EIF2D: variants seen among roughly 807,000 people sequenced by gnomAD.
The protein encoded by EIF2D is eukaryotic translation initiation factor 2D, also known as hepatocellular carcinoma-associated antigen 56.
In EIF2D, 56 loss-of-function variants were observed where a neutral mutation model predicts 77.4. The ratio of observed to expected loss-of-function variants is 0.72; its 90% CI spans 0.58 to 0.90. The LOEUF (loss-of-function observed/expected upper bound fraction) is 0.90. Among genes scored for constraint, EIF2D ranks in the 40% least tolerant of loss-of-function variants. EIF2D has a pLI of 0.00. For synonymous variants in EIF2D, 230 were observed against 271.0 expected (o/e 0.85, Z 1.49); for missense variants, 574 against 706.5 (o/e 0.81, Z 2.13).
At chr1:206,598,595 C>T (rs1669762526) in intron 11 of EIF2D, among the ~76,000 whole-genome samples, 1 of 151,884 alleles carries the variant, frequency 6.6e-6, no homozygotes, top group Non-Finnish European at 1.5e-5. Context: ...CCCCAAATAC[C>T]CTGCCTTGAT....
intron 4 of EIF2D, among the ~76,000 whole-genome samples, chr1:206,575,219 G>A (rs1328818036): frequency 3.9e-5 from 6 of 152,138 alleles, no homozygotes; most frequent in Admixed American, 3.9e-4. Flanking sequence ...AGCACCGGGT[G>A]TTTGGGGTGT....
chr1:206,600,132 T>C (rs1423726027), intron 8 of EIF2D, 131 bp downstream of exon 8: 3 of 928,434 alleles, frequency 3.2e-6, no homozygotes, highest in African/African-American at 1.7e-5. Context: ...TTCCCCCTTA[T>C]ACTTGGAGTC....
chr1:206,587,434 G>C (rs991971394), downstream of EIF2D: 38 of 240,252 alleles, frequency 1.6e-4, no homozygotes, highest in Non-Finnish European at 3.1e-4. Flanking sequence ...CATTCCTTTT[G>C]CAGGTCTGAG....
chr1:206,597,926 C>T (rs1669731130), intron 11 of EIF2D, among the ~76,000 whole-genome samples: 1 of 151,962 alleles, frequency 6.6e-6, no homozygotes, highest in Admixed American at 6.5e-5. Context: ...GCCTGGGCAA[C>T]AAGAGCAAAA....
rs1669837385 is a variant in EIF2D at position 206,599,913 on chromosome 1, G to A, written c.949-77C>T. On this transcript the variant is annotated intron_variant, in intron 8 of 14. Transcript: ENST00000271764. This position sits in a 1 kb window ranked among gnomAD's most constrained non-coding sequence, Gnocchi z 4.1. ...CTGAGCACCCAGGATGTGCCAGAGT[G>A]AGCTAGGCAGGGACTGTGCAGGGAT... is the stretch of plus-strand genomic sequence containing the variant. The A allele has an allele frequency of 3.6e-6, 5 of 1,396,400 alleles. No homozygotes were observed. The highest frequency in any genetic ancestry group is 1.7e-5 in the Admixed American group (1 of 57,240). The allele number at this position is 1,396,400 out of a possible 1,614,324, so 86.5% of individuals were successfully genotyped here.
rs1350237249 is a variant in EIF2D, at chr1:206,593,488, C to CGAGCGAGA, written c.1684+130_1684+131insTCTCGCTC. 1.7e-3 allele frequency: 535 copies of CGAGCGAGA among 307,316 alleles called. 1 individual carries two copies. The African/African-American group carries it at 0.018, about 10-fold the overall frequency. 19.0% of individuals were successfully genotyped at this position (307,316 alleles called of 1,614,324 possible). On this transcript the variant is annotated intron_variant, in intron 14 of 14. Coordinates refer to ENST00000271764, the MANE Select transcript of EIF2D (RefSeq NM_006893.3). ...AATGGAGAGAGAGAGAGAGAGAGAG[C>CGAGCGAGA]GAGAGAGAGAGAGAGAGAGAGTGTG... is the stretch of plus-strand genomic sequence containing the variant.
At chr1:206,587,178 CA>C (rs1669152499), downstream of EIF2D, 1 of 591,182 alleles carries the variant, frequency 1.7e-6, no homozygotes, top group Non-Finnish European at 3.0e-6. Context: ...GGCTGTGCCC[CA>C]CCACAGATTC....
chr1:206,592,646 C>T lies in EIF2D; in HGVS notation c.1685-801G>A, dbSNP rs1467606577. On this transcript the variant is annotated intron_variant, in intron 14 of 14. Coordinates refer to ENST00000271764, the MANE Select transcript of EIF2D (RefSeq NM_006893.3). This position sits in a 1 kb window ranked among gnomAD's most constrained non-coding sequence, Gnocchi z 4.7. ...GGCTGGGAGGGTCTTGTTTATTGAG[C>T]TTAGGAGTTAATTCTGAAGGCATTG... is the stretch of plus-strand genomic sequence containing the variant. Among the ~76,000 whole-genome samples, 1 of 152,152 alleles carries T rather than the reference C, an allele frequency of 6.6e-6. No individual in the cohort carries two copies. Among genetic ancestry groups the T allele is most frequent in the Non-Finnish European group, 1.5e-5 (1 of 68,028 alleles).
Position 206,584,095 on chromosome 1 carries a change from C to A in EIF2D, c.139-2933G>T, listed in dbSNP as rs937093280. Reference sequence around the variant, plus strand: ...CACACCCTGCCTCTTACAATGGGCACTCACCAAAGGCAACTGGTTACAGGA... The same window carrying A: ...CACACCCTGCCTCTTACAATGGGCAATCACCAAAGGCAACTGGTTACAGGA... On this transcript the variant is annotated intron_variant and NMD_transcript_variant, in intron 2 of 5. Transcript: ENST00000472709. This position sits in a 1 kb window ranked among gnomAD's most constrained non-coding sequence, Gnocchi z 4.9. Among the ~76,000 whole-genome samples, 11 of 152,194 alleles carry A rather than the reference C, an allele frequency of 7.2e-5. No individual in the cohort carries two copies. The highest frequency in any genetic ancestry group is 1.5e-4 in the Non-Finnish European group (10 of 68,032).
intron 4 of EIF2D, among the ~76,000 whole-genome samples, chr1:206,576,969 A>T (rs1668680079): frequency 8.0e-6 from 1 of 125,668 alleles, no homozygotes; most frequent in Admixed American, 8.5e-5. Context: ...GTGCCCAGCT[A>T]ATTTTTGTAT....
chr1:206,591,241 C>T (rs1187009316), downstream of EIF2D, among the ~76,000 whole-genome samples: 4 of 152,310 alleles, frequency 2.6e-5, no homozygotes, highest in Non-Finnish European at 4.4e-5. Context: ...TAGAAACCCA[C>T]GTCCTAATAT....
intron 3 of EIF2D, 151 bp from the exon 4 acceptor site, chr1:206,608,477 CA>C: frequency 1.1e-5 from 7 of 651,534 alleles, no homozygotes; most frequent in Admixed American, 3.3e-5. Context: ...CAACTTCCAA[CA>C]AAAAAATAGT....
intron 4 of EIF2D, among the ~76,000 whole-genome samples, chr1:206,576,552 A>G (rs905365975): frequency 6.6e-6 from 1 of 152,238 alleles, no homozygotes; most frequent in Non-Finnish European, 1.5e-5. Flanking sequence ...CAGGAAACAT[A>G]GGAAGTATGA....
chr1:206,612,149 C>T, intron 1 of EIF2D, 138 bp downstream of exon 1: 4 of 1,149,704 alleles, frequency 3.5e-6, no homozygotes, highest in South Asian at 2.6e-5. Flanking sequence ...CCACCCTTGC[C>T]TCCTGGGGTC....
Position 206,593,675 on chromosome 1 carries a change from C to T in EIF2D, c.1628G>A (p.Ser543Asn), listed in dbSNP as rs1553409468. ...GTTTCCCTGGATCTGCACCTGAAGGCTGTCCTTGGCCCCAGGGGCAGGATT... is the reference window on the plus strand; with the variant it reads ...GTTTCCCTGGATCTGCACCTGAAGGTTGTCCTTGGCCCCAGGGGCAGGATT... The part of the protein sequence containing the change: ...TVNPAPGAKD[S>N]LQVQIQGNQV... The change falls in exon 14 of 15, where the codon AGC (serine) becomes AAC (asparagine). Residue 543 changes from serine to asparagine, a missense_variant. Ser to Asn is a conservative substitution (Grantham distance 46). Transcript: ENST00000271764. 7 of 1,613,958 alleles carry T rather than the reference C, an allele frequency of 4.3e-6. No individual in the cohort carries two copies. Among genetic ancestry groups the T allele is most frequent in the Non-Finnish European group, 5.9e-6 (7 of 1,179,948 alleles).
chr1:206,569,959 G>A (rs1668396131), downstream of EIF2D, among the ~76,000 whole-genome samples: 1 of 152,046 alleles, frequency 6.6e-6, no homozygotes, highest in Non-Finnish European at 1.5e-5. Flanking sequence ...AATACAGAAA[G>A]TAAGGGAAGC....
At chr1:206,576,017 ATC>A (rs1668645248) in intron 4 of EIF2D, among the ~76,000 whole-genome samples, 1 of 152,202 alleles carries the variant, frequency 6.6e-6, no homozygotes, top group South Asian at 2.1e-4. Flanking sequence ...ACAGGTATTT[ATC>A]TGACACCTAC....
intron 1 of EIF2D, among the ~76,000 whole-genome samples, chr1:206,611,671 T>C (rs1670503328): frequency 6.6e-6 from 1 of 152,254 alleles, no homozygotes; most frequent in Admixed American, 6.5e-5. Context: ...CCTGACTTCA[T>C]GCCTAGCCCT....
At chr1:206,611,088 G>T in intron 2 of EIF2D, 96 bp downstream of exon 2, 1 of 1,222,382 alleles carries the variant, frequency 8.2e-7, no homozygotes, top group Non-Finnish European at 1.1e-6. Context: ...TTTCGTGCTT[G>T]CTTATTTTAT....
Sources: gnomAD v4.1 joint callset for allele counts (sites outside exome capture counted in the v4.1 genomes callset) on GRCh38, gnomAD v4.1.1 for gene constraint, Gnocchi (gnomAD v3.1) non-coding constraint, MANE v1.5 for transcripts, NCBI Gene and HGNC (gene_info 2026-07-23, HGNC 2026-07-21) for gene names.